The following ZNF490 variants were observed in gnomAD, a reference collection of about 807,000 sequenced individuals.
ZNF490 encodes the protein zinc finger protein 490.
A neutral mutation model predicts 17.7 loss-of-function variants in ZNF490; 11 were observed. The observed-to-expected ratio is 0.62, with a 90% CI of 0.39 to 1.03. The LOEUF is 1.03. Among genes scored for constraint, ZNF490 ranks in the 50% least tolerant of loss-of-function variants. The pLI is 0.00. For synonymous variants in ZNF490, 222 were observed against 216.1 expected (o/e 1.03, Z -0.24); for missense variants, 542 against 643.4 (o/e 0.84, Z 1.71).
At position 12,588,094 on chromosome 19, in the gene ZNF490, T is replaced by C. The variant is rs938140925; in HGVS notation, c.163-4538A>G. 8.7e-5 allele frequency among the ~76,000 whole-genome samples: 3 copies of C among 34,598 alleles called. 1 individual carries two copies. Among genetic ancestry groups the C allele is most frequent in the African/African-American group, 2.1e-4 (3 of 14,044 alleles). The allele number at this position is 34,598 out of a possible 152,430, so 22.7% of individuals were successfully genotyped here. A position where few individuals can be genotyped will look rare whatever the true frequency, so the allele number is the denominator to read the frequency against. Reference sequence around the variant, plus strand: ...CATGTTGGCCAGGCTGGTCTCAAACTCCTGACCTCAGGCGATCCGCCTGCC... The same window carrying C: ...CATGTTGGCCAGGCTGGTCTCAAACCCCTGACCTCAGGCGATCCGCCTGCC... On this transcript the variant is annotated intron_variant, in intron 2 of 4. Coordinates refer to ENST00000311437, the MANE Select transcript of ZNF490 (RefSeq NM_020714.3).
intron 2 of ZNF490, among the ~76,000 whole-genome samples, chr19:12,594,295 G>A (rs896363905): frequency 3.3e-5 from 5 of 151,870 alleles, no homozygotes; most frequent in Admixed American, 1.3e-4. Flanking sequence ...GTAAAACCCC[G>A]TCTCTACTAA....
In ZNF490 at chr19:12,578,399, A is replaced by G; in HGVS notation, c.*2086T>C. 1 of 985,526 alleles carries G rather than the reference A, an allele frequency of 1.0e-6. No individual in the cohort carries two copies. Among genetic ancestry groups the G allele is most frequent in the Non-Finnish European group, 1.2e-6 (1 of 830,006 alleles). 61.0% of individuals were successfully genotyped at this position (985,526 alleles called of 1,614,324 possible). On this transcript the variant is annotated 3_prime_UTR_variant, in exon 5 of 5. Coordinates refer to ENST00000311437, the MANE Select transcript of ZNF490 (RefSeq NM_020714.3). ...GCAGGAGAGTGGATGCTGTGTGGTC[A>G]AGGGGTGTGTGTCCCATGATACAGG... is the stretch of plus-strand genomic sequence containing the variant.
At chr19:12,582,963 T>G (rs1313069690) in intron 3 of ZNF490, 53 bp from the exon 4 acceptor site, 1 of 1,417,882 alleles carries the variant, frequency 7.1e-7, no homozygotes, top group East Asian at 2.3e-5. Context: ...TTATAGAAAA[T>G]TATAACACTC....
chr19:12,607,033 A>G (rs12979795), intron 2 of ZNF490, among the ~76,000 whole-genome samples: 88,740 of 151,886 alleles, frequency 0.58, 27,182 homozygotes, highest in Non-Finnish European at 0.69. Context: ...GTCTAAACTC[A>G]TATGGCTCAT....
At position 12,580,889 on chromosome 19, in the gene ZNF490, C is replaced by A; in HGVS notation, c.1186G>T (p.Gly396Cys). ...GEKPYECKQCGKAFNSSSYLQ... is the reference protein window; with the variant it reads ...GEKPYECKQCCKAFNSSSYLQ... ...TAACTTGAAGAATTGAAGGCTTTAC[C>A]ACATTGTTTACATTCATAGGGTTTT... The change falls in exon 5 of 5, where the codon GGT becomes TGT. Residue 396 changes from glycine to cysteine, a missense_variant. Coordinates refer to ENST00000311437, the MANE Select transcript of ZNF490 (RefSeq NM_020714.3). The A allele has an allele frequency of 4.3e-6, 7 of 1,614,176 alleles. No individual in the cohort carries two copies. Among genetic ancestry groups the A allele is most frequent in the Non-Finnish European group, 5.9e-6 (7 of 1,180,034 alleles).
intron 4 of ZNF490, 33 bp downstream of exon 4, chr19:12,582,815 CAG>C (rs2022756094): frequency 6.8e-7 from 1 of 1,467,154 alleles, no homozygotes; most frequent in African/African-American, 1.4e-5. Flanking sequence ...AAGATTCTCT[CAG>C]GGGCTATATA....
chr19:12,585,177 C>G (rs1331924023), intron 2 of ZNF490, among the ~76,000 whole-genome samples: 4 of 93,368 alleles, frequency 4.3e-5, no homozygotes, highest in African/African-American at 1.3e-4. Context: ...TGAGGGTGAC[C>G]CAGGCTTTCT....
intron 2 of ZNF490, among the ~76,000 whole-genome samples, chr19:12,595,455 C>T (rs1484052337): frequency 6.6e-6 from 1 of 152,000 alleles, no homozygotes; most frequent in African/African-American, 2.4e-5. Flanking sequence ...TTTGGAGTTG[C>T]AATTAGGTCA....
chr19:12,597,034 C>G, intron 2 of ZNF490: 1 of 443,962 alleles, frequency 2.3e-6, no homozygotes, highest in South Asian at 1.6e-5. Context: ...CGGCCCAGCC[C>G]CACGCTGCTG....
At chr19:12,605,204 G>C (rs1386140394) in intron 2 of ZNF490, among the ~76,000 whole-genome samples, 1 of 151,942 alleles carries the variant, frequency 6.6e-6, no homozygotes, top group East Asian at 1.9e-4. Flanking sequence ...TGTAAGACTA[G>C]GCACAGTGAC....
Position 12,610,705 on chromosome 19 carries a change from T to C in ZNF490, c.-25A>G. 1 of 1,606,142 alleles carries C rather than the reference T, an allele frequency of 6.2e-7. No homozygotes were observed. Among genetic ancestry groups the C allele is most frequent in the East Asian group, 2.2e-5 (1 of 44,828 alleles). The stretch of plus-strand genomic sequence containing the variant: ...TCCCTGTCCCCGCATCCAGAAACAC[T>C]GCAGGAAGACTTCCGTGTCCGACCC... On this transcript the variant is annotated 5_prime_UTR_variant, in exon 1 of 5. Transcript: ENST00000311437.
At chr19:12,607,127 T>C (rs773875874) in intron 2 of ZNF490, among the ~76,000 whole-genome samples, 1 of 151,870 alleles carries the variant, frequency 6.6e-6, no homozygotes, top group Non-Finnish European at 1.5e-5. Context: ...ATCACTTGAG[T>C]CCAGGAGTTC....
At position 12,576,890 on chromosome 19, in the gene ZNF490, T is replaced by C. The variant is rs1251187113; in HGVS notation, c.*3595A>G. 6.8e-6 allele frequency among the ~76,000 whole-genome samples: 1 copy of C among 147,242 alleles called. No individual in the cohort carries two copies. The highest frequency in any genetic ancestry group is 1.5e-5 in the Non-Finnish European group (1 of 67,280). On this transcript the variant is annotated 3_prime_UTR_variant, in exon 5 of 5. Coordinates refer to ENST00000311437, the MANE Select transcript of ZNF490 (RefSeq NM_020714.3). Reference sequence around the variant, plus strand: ...ATATAAATATATATACACACAGCCCTCTAGACAAATATACAAAAATCACAC... The same window carrying C: ...ATATAAATATATATACACACAGCCCCCTAGACAAATATACAAAAATCACAC...
At chr19:12,599,139 C>CAAAAAAAAAAAAAAAAAAAAAGAAAAAA (rs2022971371) in intron 2 of ZNF490, among the ~76,000 whole-genome samples, 1 of 68,632 alleles carries the variant, frequency 1.5e-5, no homozygotes, top group Non-Finnish European at 2.4e-5. Flanking sequence ...GACTCTGTCT[C>CAAAAAAAAAAAAAAAAAAAAAGAAAAAA]AAAAAAAAAA....
chr19:12,609,132 C>G (rs530968346), intron 2 of ZNF490, 26 bp downstream of exon 2: 50 of 1,612,974 alleles, frequency 3.1e-5, no homozygotes, highest in Non-Finnish European at 4.1e-5. Flanking sequence ...AAGGTAGCCA[C>G]GCTGACAGGT....
At chr19:12,609,133 G>A (rs752139122) in intron 2 of ZNF490, 25 bp downstream of exon 2, 8 of 1,612,988 alleles carry the variant, frequency 5.0e-6, no homozygotes, top group Admixed American at 3.3e-5. Flanking sequence ...AGGTAGCCAC[G>A]CTGACAGGTA....
chr19:12,577,550 C>T lies in ZNF490; in HGVS notation c.*2935G>A, dbSNP rs542142164. ...AAGCGAATGTTCCTGGTGAGAGAAG[C>T]GAAGGTGTGCATCTCCTGGCTCAGC... On this transcript the variant is annotated 3_prime_UTR_variant, in exon 5 of 5. Coordinates refer to ENST00000311437, the MANE Select transcript of ZNF490 (RefSeq NM_020714.3). 7 of 985,096 alleles carry T rather than the reference C, an allele frequency of 7.1e-6. No homozygotes were observed. Among genetic ancestry groups the T allele is most frequent in the East Asian group, 1.1e-4 (1 of 8,800 alleles). 61.0% of individuals were successfully genotyped at this position (985,096 alleles called of 1,614,324 possible).
chr19:12,581,022 T>C lies in ZNF490; in HGVS notation c.1053A>G (p.Lys351=). The C allele has an allele frequency of 6.2e-7, 1 of 1,614,100 alleles. No individual in the cohort carries two copies. The highest frequency in any genetic ancestry group is 8.5e-7 in the Non-Finnish European group (1 of 1,180,012). Residue 351 remains lysine, a synonymous_variant, in exon 5 of 5, where the codon AAA becomes AAG. Transcript: ENST00000311437. Reference sequence around the variant, plus strand: ...GAACTCCGGTGTGGGTTTTCACGTGTTTTCGAAGGCTTGAGTGAGAAAAGA... The same window carrying C: ...GAACTCCGGTGTGGGTTTTCACGTGCTTTCGAAGGCTTGAGTGAGAAAAGA... ...RAFFSHSSLR[K]HVKTHTGVQP...
intron 2 of ZNF490, among the ~76,000 whole-genome samples, chr19:12,603,763 T>A (rs2023034412): frequency 6.8e-6 from 1 of 147,098 alleles, no homozygotes; most frequent in Non-Finnish European, 1.5e-5. Context: ...TGTCACTGGG[T>A]GACAGAGTGA....
Sources: allele counts gnomAD v4.1 joint callset (sites outside exome capture counted in the v4.1 genomes callset), GRCh38; gene constraint gnomAD v4.1.1; transcripts MANE v1.5; gene names NCBI Gene and HGNC (gene_info 2026-07-23, HGNC 2026-07-21).